The following GNB1L variants were observed in gnomAD, a reference collection of about 807,000 sequenced individuals.
GNB1L encodes the protein G protein subunit beta 1 like, also known as guanine nucleotide-binding protein subunit beta-like protein 1.
Under a neutral mutation model 29.1 loss-of-function variants are expected in GNB1L, and 20 were observed. The ratio of observed to expected loss-of-function variants is 0.69; its 90% CI spans 0.48 to 1.00. The LOEUF (loss-of-function observed/expected upper bound fraction) is 1.00. Among genes scored for constraint, GNB1L ranks in the 50% least tolerant of loss-of-function variants. The pLI is 0.00. For synonymous variants in GNB1L, 193 were observed against 206.5 expected (o/e 0.93, Z 0.56); for missense variants, 421 against 464.9 (o/e 0.91, Z 0.87).
At chr22:19,789,063 C>T in intron 7 of GNB1L, 103 bp from the exon 8 acceptor site, 2 of 1,293,418 alleles carry the variant, frequency 1.5e-6, no homozygotes, top group Non-Finnish European at 2.2e-6. Flanking sequence ...CGCAGGCCCA[C>T]AGGCCCGGGA....
intron 2 of GNB1L, among the ~76,000 whole-genome samples, chr22:19,822,271 G>A (rs1250049499): frequency 2.0e-5 from 3 of 152,240 alleles, no homozygotes; most frequent in Non-Finnish European, 4.4e-5. Flanking sequence ...GAGTGGCTGG[G>A]GCAGAGTCGC....
intron 4 of GNB1L, among the ~76,000 whole-genome samples, chr22:19,819,651 G>A (rs1937562301): frequency 6.6e-6 from 1 of 152,212 alleles, no homozygotes; most frequent in African/African-American, 2.4e-5. Context: ...GCACAGGCTA[G>A]AACAGTGGGG....
intron 2 of GNB1L, among the ~76,000 whole-genome samples, chr22:19,835,429 C>T (rs1949256304): frequency 6.6e-6 from 1 of 151,176 alleles, no homozygotes; most frequent in African/African-American, 2.4e-5. Context: ...CCTGTAATCC[C>T]AGCACTTTGG....
intron 2 of GNB1L, among the ~76,000 whole-genome samples, chr22:19,844,764 C>T (rs2145899678): frequency 6.6e-6 from 1 of 152,376 alleles, no homozygotes; most frequent in Non-Finnish European, 1.5e-5. Flanking sequence ...GCCCCAGGCA[C>T]TTACGGGCAG....
intron 2 of GNB1L, among the ~76,000 whole-genome samples, chr22:19,845,292 C>T (rs368103580): frequency 2.6e-5 from 4 of 152,260 alleles, no homozygotes; most frequent in East Asian, 1.9e-4. Context: ...CAGAGGCCAG[C>T]CTCCCACTCG....
intron 5 of GNB1L, among the ~76,000 whole-genome samples, chr22:19,811,216 T>C (rs957401178): frequency 1.4e-4 from 21 of 152,218 alleles, no homozygotes; most frequent in African/African-American, 4.3e-4. Flanking sequence ...ATTTCTGTAC[T>C]GGATCTGCCT....
chr22:19,853,210 C>T (rs1026014962), intron 2 of GNB1L, among the ~76,000 whole-genome samples: 10 of 152,126 alleles, frequency 6.6e-5, no homozygotes, highest in African/African-American at 2.4e-4. Context: ...ATCCCAGCCA[C>T]AGCAGAGCAT....
Position 19,788,384 on chromosome 22 carries a change from C to T in GNB1L, c.*325G>A. ...GATGCTAAGTGGGGGACCAGGGCCT[C>T]CTCAGGGAGCTCCCACCTCAAGCCT... On this transcript the variant is annotated 3_prime_UTR_variant, in exon 8 of 8. Coordinates refer to ENST00000329517, the MANE Select transcript of GNB1L (RefSeq NM_053004.3). 1.7e-6 allele frequency: 1 copy of T among 587,828 alleles called. No individual in the cohort carries two copies. Among genetic ancestry groups the T allele is most frequent in the Non-Finnish European group, 3.0e-6 (1 of 329,952 alleles). The allele number at this position is 587,828 out of a possible 1,614,324, so 36.4% of individuals were successfully genotyped here.
intron 7 of GNB1L, among the ~76,000 whole-genome samples, chr22:19,789,590 T>C (rs1937229324): frequency 6.6e-6 from 1 of 150,646 alleles, no homozygotes; most frequent in South Asian, 2.1e-4. Context: ...CGTCCCCGGC[T>C]GGGTTCTGAG....
intron 7 of GNB1L, among the ~76,000 whole-genome samples, chr22:19,800,894 G>T (rs1937362470): frequency 6.6e-6 from 1 of 152,204 alleles, no homozygotes; most frequent in Non-Finnish European, 1.5e-5. Context: ...CCCACTCAGG[G>T]GTGGGCCTGA....
Position 19,816,070 on chromosome 22 carries a change from C to A in GNB1L, c.255-3623G>T, listed in dbSNP as rs926898860. ...AAGGGTGAGCCCCGACAGCCCACAG[C>A]CATCCTGGGGCGTCGTGGCCTGTGT... On this transcript the variant is annotated intron_variant, in intron 4 of 7. Coordinates refer to ENST00000329517, the MANE Select transcript of GNB1L (RefSeq NM_053004.3). This position sits in a 1 kb window ranked among gnomAD's most constrained non-coding sequence, Gnocchi z 4.4. 3.9e-5 allele frequency among the ~76,000 whole-genome samples: 6 copies of A among 152,246 alleles called. No homozygotes were observed. Among genetic ancestry groups the A allele is most frequent in the Non-Finnish European group, 8.8e-5 (6 of 68,036 alleles).
chr22:19,822,793 C>T (rs555942208), intron 2 of GNB1L, among the ~76,000 whole-genome samples: 6 of 152,336 alleles, frequency 3.9e-5, no homozygotes, highest in African/African-American at 1.4e-4. Flanking sequence ...GGTGCAGGTT[C>T]AGAGGCAGGA....
At chr22:19,847,461 T>C in intron 2 of GNB1L, 1 of 985,466 alleles carries the variant, frequency 1.0e-6, no homozygotes, top group Non-Finnish European at 1.2e-6. Context: ...AGGCACTGCA[T>C]GGGCATCATT....
chr22:19,839,893 CAATAATAAT>C (rs202133155), intron 2 of GNB1L, among the ~76,000 whole-genome samples: 3,857 of 148,794 alleles, frequency 0.026, 92 homozygotes, highest in Non-Finnish European at 0.036. Flanking sequence ...ATAATAATAA[CAATAATAAT>C]AATAATAATA....
rs942627084 is a variant in GNB1L, at chr22:19,844,551, C to T, written c.-21+9892G>A. Among the ~76,000 whole-genome samples, 8 of 152,218 alleles carry T rather than the reference C, an allele frequency of 5.3e-5. 1 individual carries two copies. Among genetic ancestry groups the T allele is most frequent in the African/African-American group, 1.9e-4 (8 of 41,458 alleles). On this transcript the variant is annotated intron_variant, in intron 2 of 7. Transcript: ENST00000329517. ...CAGACTTCTCCTTTGCACTGGGACA[C>T]GGGCTGCCTCAGCTGAGCCAAGAGG...
chr22:19,818,925 C>T (rs973500629), intron 4 of GNB1L, among the ~76,000 whole-genome samples: 4 of 152,180 alleles, frequency 2.6e-5, no homozygotes, highest in Non-Finnish European at 4.4e-5. Context: ...CTTCCCTGTC[C>T]CACCATGCCC....
rs900894361 is a variant in GNB1L at position 19,794,630 on chromosome 22, G to T, written c.733-5670C>A. 2.0e-5 allele frequency among the ~76,000 whole-genome samples: 3 copies of T among 152,202 alleles called. No individual in the cohort carries two copies. In the East Asian group the frequency reaches 5.8e-4, roughly 29 times the overall value. On this transcript the variant is annotated intron_variant, in intron 7 of 7. Transcript: ENST00000329517. ...AGGTGTTAGACTTAATCCCAGGCAT[G>T]TCAATAATTACAGTGAATGCAAACA... is the stretch of plus-strand genomic sequence containing the variant.
In GNB1L at chr22:19,787,515, G is replaced by A. The variant is rs942665943; in HGVS notation, c.*1194C>T. On this transcript the variant is annotated 3_prime_UTR_variant, in exon 8 of 8. Transcript: ENST00000329517. ...GGAAATGCCATGTGGTCCTGCAGGA[G>A]GCTGGTGCCACTCTCAGGGTCACCC... 1 of 152,582 alleles carries A rather than the reference G, an allele frequency of 6.6e-6. No individual in the cohort carries two copies. Among genetic ancestry groups the A allele is most frequent in the Non-Finnish European group, 1.5e-5 (1 of 68,318 alleles). The allele number at this position is 152,582 out of a possible 1,614,324, so 9.5% of individuals were successfully genotyped here. A position where few individuals can be genotyped will look rare whatever the true frequency, so the allele number is the denominator to read the frequency against.
intron 2 of GNB1L, among the ~76,000 whole-genome samples, chr22:19,831,511 GAAACCCC>G (rs1375946197): frequency 6.6e-6 from 1 of 151,748 alleles, no homozygotes; most frequent in African/African-American, 2.4e-5. Context: ...CTAACACGGT[GAAACCCC>G]ATCTCTACTA....
Sources: allele counts gnomAD v4.1 joint callset (sites outside exome capture counted in the v4.1 genomes callset), GRCh38; gene constraint gnomAD v4.1.1; non-coding constraint Gnocchi (gnomAD v3.1); transcripts MANE v1.5; gene names NCBI Gene and HGNC (gene_info 2026-07-23, HGNC 2026-07-21).